FABP6: variants seen among roughly 807,000 people sequenced by gnomAD.
FABP6 encodes gastrotropin.
FABP6 carries 13 observed loss-of-function variants against 14.9 expected under a neutral mutation model. The observed-to-expected ratio is 0.87, with a 90% CI of 0.57 to 1.39. The LOEUF (loss-of-function observed/expected upper bound fraction) is 1.39. FABP6 is among the 40% of genes most tolerant of loss of function. The probability of loss-of-function intolerance (pLI) is 0.00; values close to 1 mark genes in which losing one functional copy is unlikely to be tolerated. For synonymous variants in FABP6, 75 were observed against 63.6 expected (o/e 1.18, Z -0.85); for missense variants, 161 against 167.2 (o/e 0.96, Z 0.20).
At chr5:160,212,836 T>G (rs1338876671) in intron 2 of FABP6, among the ~76,000 whole-genome samples, 2 of 152,104 alleles carry the variant, frequency 1.3e-5, no homozygotes, top group Non-Finnish European at 2.9e-5. Context: ...AGGCTGGTTT[T>G]GAACTGCTGA....
At chr5:160,190,002 A>G (rs1366246620) in intron 1 of FABP6, among the ~76,000 whole-genome samples, 1 of 152,154 alleles carries the variant, frequency 6.6e-6, no homozygotes, top group Non-Finnish European at 1.5e-5. Flanking sequence ...CCTACTTTAC[A>G]GGAGCTCAGA....
rs147766560 is a variant in FABP6, at chr5:160,187,742, ATTAT to A, written c.-59+311_-59+314del. Among the ~76,000 whole-genome samples the A allele has an allele frequency of 9.1e-3, 1,374 of 150,666 alleles. 18 individuals carry two copies. The highest frequency in any genetic ancestry group is 0.032 in the African/African-American group (1,292 of 40,860). On this transcript the variant is annotated intron_variant, in intron 1 of 6. Coordinates refer to the FABP6 transcript ENST00000393980. ...AGCTGCACCCTTAAAAATATTTGCTATTATTTATTTATTTATTTATTTATTTTTT... is the reference window on the plus strand; with the variant it reads ...AGCTGCACCCTTAAAAATATTTGCTATTATTTATTTATTTATTTATTTTTT...
intron 1 of FABP6, among the ~76,000 whole-genome samples, chr5:160,231,634 G>T (rs1760384732): frequency 6.6e-6 from 1 of 152,108 alleles, no homozygotes; most frequent in African/African-American, 2.4e-5. Context: ...GACCTTAAAC[G>T]ATCTGCCTGC....
At chr5:160,219,007 G>A (rs541724426) in intron 3 of FABP6, among the ~76,000 whole-genome samples, 19 of 152,278 alleles carry the variant, frequency 1.2e-4, no homozygotes, top group Admixed American at 5.9e-4. Context: ...ATTCTTGAGA[G>A]TAAAACTAGA....
chr5:160,231,286 T>C (rs1387523839), intron 1 of FABP6, among the ~76,000 whole-genome samples: 2 of 152,248 alleles, frequency 1.3e-5, no homozygotes, highest in East Asian at 3.8e-4. Context: ...ACTTTGGTTC[T>C]AGACCTGATT....
At chr5:160,220,956 A>C (rs1178673716) in intron 3 of FABP6, among the ~76,000 whole-genome samples, 5 of 151,818 alleles carry the variant, frequency 3.3e-5, no homozygotes, top group African/African-American at 1.2e-4. Flanking sequence ...GGCGTGGTCT[A>C]TGGGGGCCTG....
intron 1 of FABP6, among the ~76,000 whole-genome samples, chr5:160,194,580 G>C (rs1036588970): frequency 5.3e-5 from 8 of 152,142 alleles, no homozygotes; most frequent in African/African-American, 1.9e-4. Context: ...TAAAAAGAGA[G>C]AGAGAGAAAG....
chr5:160,199,319 C>A, intron 2 of FABP6: 1 of 696,888 alleles, frequency 1.4e-6, no homozygotes, highest in South Asian at 1.7e-5. Context: ...TTTCAGCTGT[C>A]TCTCTGTGAC....
At chr5:160,231,402 C>T (rs1347581224) in intron 1 of FABP6, among the ~76,000 whole-genome samples, 1 of 152,120 alleles carries the variant, frequency 6.6e-6, no homozygotes, top group Non-Finnish European at 1.5e-5. Flanking sequence ...CTTTCTCTGG[C>T]AGGGAGGAGG....
At chr5:160,194,288 C>T (rs1314130428) in intron 1 of FABP6, among the ~76,000 whole-genome samples, 1 of 152,222 alleles carries the variant, frequency 6.6e-6, no homozygotes, top group African/African-American at 2.4e-5. Flanking sequence ...CGCGCCTCTC[C>T]CTCCACACCT....
At chr5:160,215,939 C>T (rs1237505465) in intron 3 of FABP6, among the ~76,000 whole-genome samples, 3 of 152,112 alleles carry the variant, frequency 2.0e-5, no homozygotes, top group African/African-American at 7.2e-5. Flanking sequence ...CTTCTTCTGG[C>T]TGCAGGTGTA....
At chr5:160,209,530 AAAAT>A (rs1173071446) in intron 2 of FABP6, among the ~76,000 whole-genome samples, 4 of 152,036 alleles carry the variant, frequency 2.6e-5, no homozygotes, top group African/African-American at 9.7e-5. Flanking sequence ...TCAAAAAATT[AAAAT>A]AAATAAATAA....
intron 3 of FABP6, among the ~76,000 whole-genome samples, chr5:160,217,245 A>G (rs1760031332): frequency 6.6e-6 from 1 of 152,224 alleles, no homozygotes; most frequent in South Asian, 2.1e-4. Context: ...GGCATAAGGC[A>G]TAGAGTGGAG....
At chr5:160,236,202 G>A (rs547189624) in intron 3 of FABP6, among the ~76,000 whole-genome samples, 1 of 151,952 alleles carries the variant, frequency 6.6e-6, no homozygotes, top group Non-Finnish European at 1.5e-5. Context: ...TTTTAGTAGA[G>A]ACAGGGTTTC....
chr5:160,235,324 G>C (rs1242905888), intron 3 of FABP6, among the ~76,000 whole-genome samples: 2 of 152,294 alleles, frequency 1.3e-5, no homozygotes, highest in East Asian at 3.9e-4. Context: ...TTCCATGAGG[G>C]ACATCAGGCC....
upstream of FABP6, chr5:160,228,712 G>C (rs1760305055): frequency 2.8e-6 from 1 of 356,834 alleles, no homozygotes; most frequent in Admixed American, 3.7e-5. Flanking sequence ...CTAGGCCCAT[G>C]GGTGGCTGCT....
chr5:160,228,123 G>A (rs975761246), upstream of FABP6, among the ~76,000 whole-genome samples: 1 of 152,090 alleles, frequency 6.6e-6, no homozygotes, highest in Non-Finnish European at 1.5e-5. Context: ...CGGGTGTGGT[G>A]GCTCACGTCT....
chr5:160,193,011 T>G (rs765842224), intron 1 of FABP6, among the ~76,000 whole-genome samples: 12 of 152,244 alleles, frequency 7.9e-5, no homozygotes, highest in Non-Finnish European at 1.6e-4. Flanking sequence ...CTTGGGAAGC[T>G]GAGGCAGGAG....
chr5:160,220,470 G>A (rs143699601), intron 3 of FABP6, among the ~76,000 whole-genome samples: 7 of 152,106 alleles, frequency 4.6e-5, no homozygotes, highest in Non-Finnish European at 8.8e-5. Context: ...TTAGCCGTGC[G>A]TGGTGGAGCA....
Sources: allele counts gnomAD v4.1 joint callset (sites outside exome capture counted in the v4.1 genomes callset), GRCh38; gene constraint gnomAD v4.1.1; transcripts MANE v1.5; gene names NCBI Gene and HGNC (gene_info 2026-07-23, HGNC 2026-07-21).